Variants in TENM3 observed in about 807,000 individuals in gnomAD.
TENM3 encodes the protein teneurin-3.
TENM3 carries 63 observed loss-of-function variants against 255.1 expected under a neutral mutation model. The observed-to-expected ratio is 0.25, with a 90% CI of 0.20 to 0.30. The LOEUF (loss-of-function observed/expected upper bound fraction) is 0.30. Ranked by LOEUF, TENM3 falls within the 10% of genes least tolerant of loss-of-function variation. The probability of loss-of-function intolerance (pLI) is 1.00; values close to 1 mark genes in which losing one functional copy is unlikely to be tolerated. For missense variants in TENM3, 2,929 were observed against 3,461.1 expected (o/e 0.85, Z 3.86); for synonymous variants, 1,306 against 1,322.3 (o/e 0.99, Z 0.27).
the TENM3 span, among the ~76,000 whole-genome samples, chr4:182,071,449 C>CT: frequency 0.14 from 19,959 of 139,400 alleles, 1,447 homozygotes; most frequent in Middle Eastern, 0.2. Context: ...TTTTTCTTTT[C>CT]TTTTTTTTTT....
At chr4:181,751,322 A>G in the TENM3 span, among the ~76,000 whole-genome samples, 1 of 152,042 alleles carries the variant, frequency 6.6e-6, no homozygotes, top group Non-Finnish European at 1.5e-5. Context: ...TGGAAGCCCA[A>G]ACTATTTCCA....
At chr4:181,998,419 G>A in the TENM3 span, among the ~76,000 whole-genome samples, 4,913 of 152,182 alleles carry the variant, frequency 0.032, 243 homozygotes, top group African/African-American at 0.11. Flanking sequence ...ACCTAAACCC[G>A]TCTTTTACTC....
the TENM3 span, among the ~76,000 whole-genome samples, chr4:181,992,175 G>T: frequency 6.6e-6 from 1 of 151,990 alleles, no homozygotes; most frequent in East Asian, 1.9e-4. Flanking sequence ...GGAAATAACA[G>T]GCTAGAATTT....
the TENM3 span, among the ~76,000 whole-genome samples, chr4:182,008,221 G>T: frequency 1.3e-5 from 2 of 152,028 alleles, no homozygotes; most frequent in Non-Finnish European, 2.9e-5. Flanking sequence ...TCTTCTCGTG[G>T]AGTATCTTAA....
At chr4:181,593,908 G>A in the TENM3 span, among the ~76,000 whole-genome samples, 9,736 of 151,752 alleles carry the variant, frequency 0.064, 1,007 homozygotes, top group African/African-American at 0.22. Context: ...CTGAATAAGC[G>A]TTAATTATGA....
At chr4:182,420,754 G>T (rs966940426) in intron 3 of TENM3, among the ~76,000 whole-genome samples, 2 of 152,158 alleles carry the variant, frequency 1.3e-5, no homozygotes, top group African/African-American at 4.8e-5. Context: ...GTATGTCAAG[G>T]TAGGGGCTGT....
chr4:182,713,707 A>C (rs1368180092), intron 12 of TENM3, among the ~76,000 whole-genome samples: 1 of 152,222 alleles, frequency 6.6e-6, no homozygotes, highest in Non-Finnish European at 1.5e-5. Context: ...GTAATGTTTA[A>C]AACAGATTAC....
intron 13 of TENM3, among the ~76,000 whole-genome samples, chr4:182,718,876 A>C (rs964455856): frequency 2.0e-5 from 3 of 152,220 alleles, no homozygotes; most frequent in Non-Finnish European, 2.9e-5. Context: ...TGGTCTCACT[A>C]TGCAAGCACC....
chr4:182,656,597 A>G (rs778959078), intron 6 of TENM3, among the ~76,000 whole-genome samples: 12 of 152,166 alleles, frequency 7.9e-5, no homozygotes, highest in Admixed American at 4.6e-4. Flanking sequence ...TCATCTCTTT[A>G]GAAATTCTAG....
the TENM3 span, among the ~76,000 whole-genome samples, chr4:181,624,505 G>A: frequency 9.9e-5 from 15 of 152,096 alleles, no homozygotes; most frequent in African/African-American, 3.6e-4. Context: ...TTCATTTCTT[G>A]TGCTATGTTT....
At chr4:182,785,603 G>A (rs113905066) in intron 24 of TENM3, among the ~76,000 whole-genome samples, 8 of 150,854 alleles carry the variant, frequency 5.3e-5, no homozygotes, top group East Asian at 4.0e-4. Flanking sequence ...AGCTACTCAC[G>A]GGGCTGAGGT....
chr4:181,499,753 T>C, the TENM3 span, among the ~76,000 whole-genome samples: 1 of 152,210 alleles, frequency 6.6e-6, no homozygotes, highest in African/African-American at 2.4e-5. Flanking sequence ...ATATGATTGC[T>C]GTACATTAAG....
the TENM3 span, among the ~76,000 whole-genome samples, chr4:182,037,427 C>A: frequency 2.6e-5 from 4 of 152,258 alleles, no homozygotes; most frequent in African/African-American, 9.6e-5. Context: ...GGATTACAGG[C>A]GTGAGCCACC....
intron 1 of TENM3, among the ~76,000 whole-genome samples, chr4:182,231,423 A>G (rs1756573039): frequency 6.6e-6 from 1 of 152,156 alleles, no homozygotes; most frequent in African/African-American, 2.4e-5. Flanking sequence ...TAGCATGCAT[A>G]ATTATGTCTG....
At chr4:182,387,487 A>C (rs1490769344) in intron 3 of TENM3, among the ~76,000 whole-genome samples, 1 of 152,186 alleles carries the variant, frequency 6.6e-6, no homozygotes, top group Non-Finnish European at 1.5e-5. Context: ...GGGCCACATA[A>C]GAGAATAAAA....
chr4:182,785,685 G>T (rs1765586474), intron 24 of TENM3, among the ~76,000 whole-genome samples: 1 of 139,522 alleles, frequency 7.2e-6, no homozygotes, highest in South Asian at 2.3e-4. Flanking sequence ...TCCAGCCTAG[G>T]TGTCCCAGCC....
the TENM3 span, among the ~76,000 whole-genome samples, chr4:181,563,288 G>C: frequency 1.3e-5 from 2 of 152,050 alleles, no homozygotes; most frequent in African/African-American, 4.8e-5. Context: ...ACCATTTCTC[G>C]GCTTGTAGAA....
chr4:182,593,696 C>T lies in TENM3; in HGVS notation c.512-7228C>T, dbSNP rs186672565. Among the ~76,000 whole-genome samples, 52 of 152,266 alleles carry T rather than the reference C, an allele frequency of 3.4e-4. 1 individual carries two copies. In the Middle Eastern group the frequency reaches 0.014, roughly 40 times the overall value. ...TCCAACTGTGCACACCTGCTGAAAGCGAATGCCAGCCCACTCTCCTCCTTT... is the reference window on the plus strand; with the variant it reads ...TCCAACTGTGCACACCTGCTGAAAGTGAATGCCAGCCCACTCTCCTCCTTT... On this transcript the variant is annotated intron_variant, in intron 3 of 27. Coordinates refer to ENST00000511685, the MANE Select transcript of TENM3 (RefSeq NM_001080477.4).
the TENM3 span, among the ~76,000 whole-genome samples, chr4:181,490,233 T>C: frequency 4.0e-4 from 61 of 152,322 alleles, 1 homozygote; most frequent in East Asian, 0.011. Context: ...ACGCACCCTA[T>C]TGTGCAACTG....
Sources: gnomAD v4.1 joint callset for allele counts (sites outside exome capture counted in the v4.1 genomes callset) on GRCh38, gnomAD v4.1.1 for gene constraint, MANE v1.5 for transcripts, NCBI Gene and HGNC (gene_info 2026-07-23, HGNC 2026-07-21) for gene names.